The following KRT71 variants were observed in gnomAD, a reference collection of about 807,000 sequenced individuals.
The protein encoded by KRT71 is keratin, type II cytoskeletal 71.
In KRT71, 42 loss-of-function variants were observed where a neutral mutation model predicts 46.2. The observed-to-expected ratio is 0.91, with a 90% CI of 0.71 to 1.18. The LOEUF is 1.18. KRT71 is among the 50% of genes most tolerant of loss of function. KRT71 has a pLI of 0.00. For missense variants in KRT71, 708 were observed against 677.9 expected (o/e 1.04, Z -0.49); for synonymous variants, 292 against 277.8 (o/e 1.05, Z -0.51).
chr12:52,546,588 T>C, intron 6 of KRT71, 82 bp from the exon 7 acceptor site: 2 of 1,380,598 alleles, frequency 1.4e-6, no homozygotes, highest in Admixed American at 2.1e-5. Flanking sequence ...GTCCTTAGAG[T>C]GGGGCAGAGT....
chr12:52,547,811 A>C (rs776216242), intron 6 of KRT71, 46 bp downstream of exon 6: 42 of 1,604,800 alleles, frequency 2.6e-5, no homozygotes, highest in Non-Finnish European at 3.1e-5. Context: ...CCCTCTACTC[A>C]TGCTCCCCTG....
intron 7 of KRT71, among the ~76,000 whole-genome samples, chr12:52,546,048 C>T (rs1214948103): frequency 6.6e-6 from 1 of 151,738 alleles, no homozygotes; most frequent in Non-Finnish European, 1.5e-5. Context: ...GAAGAACGAG[C>T]AAATCTGCAT....
chr12:52,549,319 C>G lies in KRT71; in HGVS notation c.691G>C (p.Glu231Gln). 6.2e-7 allele frequency: 1 copy of G among 1,614,024 alleles called. No individual in the cohort carries two copies. Among genetic ancestry groups the G allele is most frequent in the Non-Finnish European group, 8.5e-7 (1 of 1,179,902 alleles). Residue 231 changes from glutamate (E) to glutamine (Q), a missense_variant, in exon 3 of 9, where the codon GAG becomes CAG. Physicochemically the swap from Glu to Gln is conservative, Grantham distance 29. Coordinates refer to ENST00000267119, the MANE Select transcript of KRT71 (RefSeq NM_033448.3). ...TTCTTGAGCAGCACAAACTCGTTCT[C>G]TGCTGCTGTCCGCTTGTTGATTTCC... ...EEEINKRTAA[E>Q]NEFVLLKKDV...
chr12:52,547,910 G>A lies in KRT71; in HGVS notation c.1051C>T (p.Leu351Phe), dbSNP rs1444106662. The change falls in exon 6 of 9, where the codon CTC becomes TTC. Residue 351 changes from leucine (L) to phenylalanine (F), a missense_variant. By Grantham distance (22) the Leu-to-Phe change is conservative (BLOSUM62 0). Transcript: ENST00000267119. Reference sequence around the variant, plus strand: ...CGGATTCTCTGGATGAGCCGAGTGAGCTCCGAGATTTCATTCTTGGTGTTT... The same window carrying A: ...CGGATTCTCTGGATGAGCCGAGTGAACTCCGAGATTTCATTCTTGGTGTTT... ...LKNTKNEISE[L>F]TRLIQRIRSE... 1 of 1,614,208 alleles carries A rather than the reference G, an allele frequency of 6.2e-7. No individual in the cohort carries two copies. The highest frequency in any genetic ancestry group is 8.5e-7 in the Non-Finnish European group (1 of 1,180,050).
rs1315528867 is a variant in KRT71 at position 52,550,231 on chromosome 12, C to G, written c.454G>C (p.Glu152Gln). 1 of 1,614,106 alleles carries G rather than the reference C, an allele frequency of 6.2e-7. No individual in the cohort carries two copies. The change falls in exon 2 of 9, where the codon GAG becomes CAG. Residue 152 changes from glutamate (E) to glutamine (Q), a missense_variant. Transcript: ENST00000267119. Reference protein sequence around the residue: ...ASFIDKVRFLEQQNQVLETKW... With the variant: ...ASFIDKVRFLQQQNQVLETKW... ...GTCTCCAGTACCTGGTTCTGCTGCT[C>G]CAGGAACCGCACCTGGAACCCAGAT...
In KRT71 at chr12:52,544,752, G is replaced by A. The variant is rs773247073; in HGVS notation, c.1361-9C>T. 9 of 1,601,646 alleles carry A rather than the reference G, an allele frequency of 5.6e-6. No individual in the cohort carries two copies. The South Asian group carries it at 7.7e-5, about 14-fold the overall frequency. On this transcript the variant is annotated splice_polypyrimidine_tract_variant and intron_variant, in intron 8 of 8. Coordinates refer to ENST00000267119, the MANE Select transcript of KRT71 (RefSeq NM_033448.3). ...GGTGCTGCTGATGATGGCTGCAGGA[G>A]GAGCCGAAGCCAACACCCACTCAGG...
chr12:52,550,519 G>A (rs1003780454), intron 1 of KRT71, among the ~76,000 whole-genome samples: 2 of 152,146 alleles, frequency 1.3e-5, no homozygotes, highest in Non-Finnish European at 2.9e-5. Flanking sequence ...ACCCTCCATG[G>A]TTGCACCAAC....
At position 52,546,296 on chromosome 12, in the gene KRT71, C is replaced by G; in HGVS notation, c.1315G>C (p.Glu439Gln). 6.2e-7 allele frequency: 1 copy of G among 1,614,150 alleles called. No individual in the cohort carries two copies. Among genetic ancestry groups the G allele is most frequent in the Non-Finnish European group, 8.5e-7 (1 of 1,180,018 alleles). ...IATYRKLLES[E>Q]ECRMSGEFPS... ...GCACGCCCCGCCCACCTGCACTCCT[C>G]GCTCTCCAGTAGCTTGCGATAGGTG... The change falls in exon 7 of 9, where the codon GAG becomes CAG. Residue 439 changes from glutamate to glutamine, a missense_variant. Glu to Gln is a conservative substitution (Grantham distance 29). Transcript: ENST00000267119.
chr12:52,549,634 C>T (rs1350586217), intron 2 of KRT71, among the ~76,000 whole-genome samples: 1 of 152,182 alleles, frequency 6.6e-6, no homozygotes, highest in Admixed American at 6.5e-5. Flanking sequence ...GTGAACTGCC[C>T]TCCCCAAATT....
At chr12:52,549,755 A>G (rs1268263360) in intron 2 of KRT71, among the ~76,000 whole-genome samples, 1 of 152,184 alleles carries the variant, frequency 6.6e-6, no homozygotes, top group East Asian at 1.9e-4. Flanking sequence ...TGGGAGGAGA[A>G]CGTGAGTGGT....
At chr12:52,549,774 A>G (rs915401382) in intron 2 of KRT71, among the ~76,000 whole-genome samples, 3 of 152,140 alleles carry the variant, frequency 2.0e-5, no homozygotes, top group Non-Finnish European at 2.9e-5. Context: ...GTTTCCCCAA[A>G]CATTCCCTAA....
intron 2 of KRT71, 26 bp downstream of exon 2, chr12:52,550,003 G>T: frequency 6.2e-7 from 1 of 1,613,386 alleles, no homozygotes; most frequent in Non-Finnish European, 8.5e-7. Context: ...CAGTTGTCCA[G>T]TTACAGGGGG....
intron 8 of KRT71, 48 bp from the exon 9 acceptor site, chr12:52,544,791 A>G (rs1261491338): frequency 9.8e-6 from 15 of 1,523,992 alleles, no homozygotes; most frequent in African/African-American, 5.5e-5. Flanking sequence ...AGAGCTGGGG[A>G]GGCCTCCTTT....
chr12:52,550,070 C>T lies in KRT71; in HGVS notation c.615G>A (p.Glu205=), dbSNP rs139213570. 1.7e-3 allele frequency: 2,768 copies of T among 1,614,168 alleles called. 93 individuals carry two copies. In the Admixed American group the frequency reaches 0.044, roughly 26 times the overall value. The change falls in exon 2 of 9, where the codon GAG becomes GAA. Residue 205 remains glutamate (E), a synonymous_variant. Transcript: ENST00000267119. Reference sequence around the variant, plus strand: ...CCACTACGTCCCGCACATTCCTCAGCTCCGAGTCCAGCCTCACCCTGTCCC... The same window carrying T: ...CCACTACGTCCCGCACATTCCTCAGTTCCGAGTCCAGCCTCACCCTGTCCC... ...LSGDRVRLDS[E]LRNVRDVVED...
In KRT71 at chr12:52,550,192, G is replaced by C; in HGVS notation, c.493C>G (p.Leu165Val). The change falls in exon 2 of 9, where the codon CTG becomes GTG. Residue 165 changes from leucine (L) to valine (V), a missense_variant. Transcript: ENST00000267119. ...NQVLETKWEL[L>V]QQLDLNNCKN... ...CAGTTGTTCAGGTCCAGCTGCTGCA[G>C]CAGCTCCCACTTGGTCTCCAGTACC... 6.2e-7 allele frequency: 1 copy of C among 1,614,222 alleles called. No individual in the cohort carries two copies. The highest frequency in any genetic ancestry group is 8.5e-7 in the Non-Finnish European group (1 of 1,180,038).
At chr12:52,549,009 C>T (rs1203908628) in intron 3 of KRT71, among the ~76,000 whole-genome samples, 2 of 152,204 alleles carry the variant, frequency 1.3e-5, no homozygotes, top group African/African-American at 2.4e-5. Context: ...GGTGTCTGAG[C>T]TGGGTCCCGG....
In KRT71 at chr12:52,548,210, TG is replaced by T; in HGVS notation, c.919del (p.Gln307SerfsTer7). The T allele has an allele frequency of 3.1e-6, 5 of 1,614,196 alleles. No individual in the cohort carries two copies. The highest frequency in any genetic ancestry group is 4.2e-6 in the Non-Finnish European group (5 of 1,180,022). On this transcript the variant is annotated frameshift_variant, in exon 5 of 9. Coordinates refer to ENST00000267119, the MANE Select transcript of KRT71 (RefSeq NM_033448.3). LOFTEE classifies it high-confidence loss of function. ...ACTCTTCAAGGCAATCTCCTCATACTGGGTGCGGACTTCGTCAATGATGCTG... is the reference window on the plus strand; with the variant it reads ...ACTCTTCAAGGCAATCTCCTCATACTGGTGCGGACTTCGTCAATGATGCTG... ...LDSIIDEVRT[Q>X]YEEIALKSKA...
At position 52,546,372 on chromosome 12, in the gene KRT71, G is replaced by T. The variant is rs771016341; in HGVS notation, c.1239C>A (p.Arg413=). The T allele has an allele frequency of 6.2e-7, 1 of 1,614,048 alleles. No homozygotes were observed. The highest frequency in any genetic ancestry group is 1.3e-5 in the African/African-American group (1 of 74,922). The part of the protein sequence containing the change: ...QAKEELARML[R]EYQELMSLKL... ...TCAGGCTCATGAGCTCCTGGTACTC[G>T]CGCAGCATCCGCGCCAGCTCCTCCT... The change falls in exon 7 of 9, where the codon CGC becomes CGA. Residue 413 remains arginine, a synonymous_variant. Coordinates refer to ENST00000267119, the MANE Select transcript of KRT71 (RefSeq NM_033448.3).
At position 52,545,598 on chromosome 12, in the gene KRT71, T is replaced by A. The variant is rs769547378; in HGVS notation, c.1327A>T (p.Met443Leu). ...RKLLESEECR[M>L]SGEFPSPVSI... Reference sequence around the variant, plus strand: ...ACAGGGGAGGGAAATTCTCCTGACATCCTATTAAGGAGAGAAATAAAATAA... The same window carrying A: ...ACAGGGGAGGGAAATTCTCCTGACAACCTATTAAGGAGAGAAATAAAATAA... The change falls in exon 8 of 9, where the codon ATG (methionine) becomes TTG (leucine). Residue 443 changes from methionine (M) to leucine (L), a missense_variant and splice_region_variant. Physicochemically the swap from Met to Leu is conservative, Grantham distance 15. Coordinates refer to ENST00000267119, the MANE Select transcript of KRT71 (RefSeq NM_033448.3). The A allele has an allele frequency of 6.6e-7, 1 of 1,525,544 alleles. No homozygotes were observed. The allele number at this position is 1,525,544 out of a possible 1,614,324, so 94.5% of individuals were successfully genotyped here. A position where few individuals can be genotyped will look rare whatever the true frequency, so the allele number is the denominator to read the frequency against.
Sources: gnomAD v4.1 joint callset for allele counts (sites outside exome capture counted in the v4.1 genomes callset) on GRCh38, gnomAD v4.1.1 for gene constraint, MANE v1.5 for transcripts, NCBI Gene and HGNC (gene_info 2026-07-23, HGNC 2026-07-21) for gene names.